The following DLGAP1 variants were observed in gnomAD, a reference collection of about 807,000 sequenced individuals.
DLGAP1 encodes DLG associated protein 1, also known as disks large-associated protein 1.
DLGAP1 carries 11 observed loss-of-function variants against 90.8 expected under a neutral mutation model. The ratio of observed to expected loss-of-function variants is 0.12; its 90% CI spans 0.08 to 0.20. The LOEUF (loss-of-function observed/expected upper bound fraction) is 0.20, where lower values mean the gene tolerates loss of function less well. Ranked by LOEUF, DLGAP1 falls within the 10% of genes least tolerant of loss-of-function variation. The pLI, the probability that DLGAP1 is intolerant of heterozygous loss-of-function variation, is 1.00. For missense variants in DLGAP1, 1,050 were observed against 1,333.8 expected, an observed-to-expected ratio of 0.79 and a Z score of 3.31; for synonymous variants, 558 against 540.7, an observed-to-expected ratio of 1.03 and a Z score of -0.44.
At chr18:3,746,228 T>C (rs1209844174) in intron 5 of DLGAP1, among the ~76,000 whole-genome samples, 1 of 152,074 alleles carries the variant, frequency 6.6e-6, no homozygotes, top group Non-Finnish European at 1.5e-5. Context: ...AGATGAAAAA[T>C]AATATTTTAA....
chr18:3,772,342 C>T lies in DLGAP1; in HGVS notation c.1173-29830G>A, dbSNP rs1450924523. Among the ~76,000 whole-genome samples, 36 of 81,096 alleles carry T rather than the reference C, an allele frequency of 4.4e-4. 1 individual carries two copies. The highest frequency in any genetic ancestry group is 6.7e-4 in the African/African-American group (17 of 25,468). 53.2% of individuals were successfully genotyped at this position (81,096 alleles called of 152,430 possible). A position where few individuals can be genotyped will look rare whatever the true frequency, so the allele number is the denominator to read the frequency against. On this transcript the variant is annotated intron_variant, in intron 5 of 12. Coordinates refer to ENST00000315677, the MANE Select transcript of DLGAP1 (RefSeq NM_004746.4). The stretch of plus-strand genomic sequence containing the variant: ...CCTTCCTTTCTCTCCTTCTCTCTCT[C>T]TCTCTCTTTCTTTCTTTCTTTCTTT...
At chr18:3,924,421 T>C (rs532638484) in intron 3 of DLGAP1, among the ~76,000 whole-genome samples, 1 of 152,326 alleles carries the variant, frequency 6.6e-6, no homozygotes, top group Non-Finnish European at 1.5e-5. Flanking sequence ...TGAAGCTCCC[T>C]AGATTTTCTG....
rs139018400 is a variant in DLGAP1 at position 4,056,644 on chromosome 18, C to A, written c.-158-51443G>T. ...CTTCATCACTGAAACCAAAGTAAGT[C>A]CTGTCCTCTCAGGCTGTGGTCTGAG... On this transcript the variant is annotated intron_variant, in intron 2 of 12. Transcript: ENST00000315677. Among the ~76,000 whole-genome samples, 9 of 152,268 alleles carry A rather than the reference C, an allele frequency of 5.9e-5. No homozygotes were observed. In the East Asian group the frequency reaches 1.4e-3, roughly 23 times the overall value.
At chr18:3,545,237 G>T (rs1317161106) in intron 9 of DLGAP1, among the ~76,000 whole-genome samples, 1 of 151,826 alleles carries the variant, frequency 6.6e-6, no homozygotes, top group Admixed American at 6.6e-5. Flanking sequence ...TCACGCCACT[G>T]CACTGCAGCC....
At chr18:4,039,519 T>C (rs1598286420) in intron 2 of DLGAP1, among the ~76,000 whole-genome samples, 1 of 152,092 alleles carries the variant, frequency 6.6e-6, no homozygotes, top group African/African-American at 2.4e-5. Flanking sequence ...CAAGAAAATG[T>C]GAAGCAAAAT....
Position 3,581,279 on chromosome 18 carries a change from T to C in DLGAP1, c.1965+596A>G, listed in dbSNP as rs114839682. 4.3e-3 allele frequency among the ~76,000 whole-genome samples: 657 copies of C among 152,324 alleles called. 9 individuals carry two copies. The highest frequency in any genetic ancestry group is 0.015 in the African/African-American group (624 of 41,578). ...GGTTTGGTGAGGCCCTTGATCACCTTGGCCCTCCTCCCTGTCTTCTCTGAT... is the reference window on the plus strand; with the variant it reads ...GGTTTGGTGAGGCCCTTGATCACCTCGGCCCTCCTCCCTGTCTTCTCTGAT... On this transcript the variant is annotated intron_variant, in intron 8 of 12. Coordinates refer to ENST00000315677, the MANE Select transcript of DLGAP1 (RefSeq NM_004746.4).
At chr18:4,287,517 A>G (rs979215991) in intron 1 of DLGAP1, among the ~76,000 whole-genome samples, 1 of 152,236 alleles carries the variant, frequency 6.6e-6, no homozygotes, top group Non-Finnish European at 1.5e-5. Flanking sequence ...GCAGCCATAA[A>G]AAAGAATGAG....
chr18:3,790,757 T>C (rs6506135), intron 5 of DLGAP1, among the ~76,000 whole-genome samples: 40,111 of 151,964 alleles, frequency 0.26, 5,494 homozygotes, highest in African/African-American at 0.32. Flanking sequence ...TCATGGCTTG[T>C]AGGGAAGTGG....
intron 2 of DLGAP1, among the ~76,000 whole-genome samples, chr18:4,097,478 T>C (rs1440026278): frequency 2.0e-5 from 3 of 152,252 alleles, no homozygotes; most frequent in Non-Finnish European, 4.4e-5. Context: ...TATAGCTTCC[T>C]GCAATGTGGA....
At chr18:3,616,647 C>T (rs757642346) in intron 7 of DLGAP1, among the ~76,000 whole-genome samples, 13 of 151,768 alleles carry the variant, frequency 8.6e-5, no homozygotes, top group Admixed American at 2.6e-4. Context: ...CCCAGCTACT[C>T]CAGAGGCTGA....
chr18:4,444,862 T>C (rs1412040205), intron 1 of DLGAP1, among the ~76,000 whole-genome samples: 1 of 152,210 alleles, frequency 6.6e-6, no homozygotes, highest in Admixed American at 6.5e-5. Context: ...AACTTTGATA[T>C]GTAAGACGAA....
At chr18:4,211,883 CT>C (rs1373550939) in intron 1 of DLGAP1, among the ~76,000 whole-genome samples, 1 of 152,084 alleles carries the variant, frequency 6.6e-6, no homozygotes, top group Non-Finnish European at 1.5e-5. Flanking sequence ...ACCCCTTCTC[CT>C]TTTTTTGACC....
At chr18:4,242,316 A>T (rs1308178742) in intron 1 of DLGAP1, among the ~76,000 whole-genome samples, 27 of 151,878 alleles carry the variant, frequency 1.8e-4, no homozygotes, top group Non-Finnish European at 1.5e-5. Flanking sequence ...AATCCACTGG[A>T]ATTAATTTTG....
At chr18:3,639,882 G>A (rs1419452947) in intron 7 of DLGAP1, among the ~76,000 whole-genome samples, 1 of 142,836 alleles carries the variant, frequency 7.0e-6, no homozygotes, top group Non-Finnish European at 1.5e-5. Flanking sequence ...AGCCTTCGGA[G>A]CAGCTGGGAC....
At chr18:3,744,638 T>G (rs1254616630) in intron 5 of DLGAP1, among the ~76,000 whole-genome samples, 1 of 152,174 alleles carries the variant, frequency 6.6e-6, no homozygotes. Context: ...CTTCACCTCC[T>G]GGGTTCAAGT....
In DLGAP1 at chr18:3,499,717, G is replaced by T. The variant is rs1378167739; in HGVS notation, c.2725-323C>A. Among the ~76,000 whole-genome samples the T allele has an allele frequency of 1.3e-5, 2 of 152,088 alleles. No homozygotes were observed. The highest frequency in any genetic ancestry group is 2.9e-5 in the Non-Finnish European group (2 of 68,020). On this transcript the variant is annotated intron_variant, in intron 12 of 12. Transcript: ENST00000315677. The surrounding 1 kb of genome is among the most constrained non-coding windows in gnomAD (Gnocchi z 6.4). ...AGCACATTGAGTGCGGTTCTCTCTG[G>T]AGACTCCAGACTCCTCCTGGTGCCA... is the stretch of plus-strand genomic sequence containing the variant.
intron 3 of DLGAP1, among the ~76,000 whole-genome samples, chr18:3,889,964 C>G (rs1356006087): frequency 2.0e-5 from 3 of 152,220 alleles, no homozygotes; most frequent in Admixed American, 2.0e-4. Context: ...CAGAAGCTGC[C>G]TAATGGCCTT....
chr18:3,986,900 T>C (rs2073854956), intron 3 of DLGAP1, among the ~76,000 whole-genome samples: 1 of 152,146 alleles, frequency 6.6e-6, no homozygotes, highest in African/African-American at 2.4e-5. Flanking sequence ...CCTTCAATGG[T>C]GACACCCTGC....
At chr18:4,027,503 C>CAAAAAAAAAAAAAAAAA (rs59592467) in intron 2 of DLGAP1, among the ~76,000 whole-genome samples, 1 of 55,580 alleles carries the variant, frequency 1.8e-5, no homozygotes, top group Non-Finnish European at 3.1e-5. Context: ...GACTCCGTCT[C>CAAAAAAAAAAAAAAAAA]AAAAAAAAAA....
Sources: gnomAD v4.1 joint callset for allele counts (sites outside exome capture counted in the v4.1 genomes callset) on GRCh38, gnomAD v4.1.1 for gene constraint, Gnocchi (gnomAD v3.1) non-coding constraint, MANE v1.5 for transcripts, NCBI Gene and HGNC (gene_info 2026-07-23, HGNC 2026-07-21) for gene names.